The following IQGAP1 variants were observed in gnomAD, a reference collection of about 807,000 sequenced individuals.
IQGAP1 encodes the protein ras GTPase-activating-like protein IQGAP1.
A neutral mutation model predicts 215.6 loss-of-function variants in IQGAP1; 66 were observed. The observed-to-expected ratio is 0.31, with a 90% CI of 0.25 to 0.38. IQGAP1 has a LOEUF of 0.38. Among genes scored for constraint, IQGAP1 ranks in the 10% least tolerant of loss-of-function variants. The pLI is 1.00. For missense variants in IQGAP1, 1,712 were observed against 1,997.1 expected (o/e 0.86, Z 2.72); for synonymous variants, 772 against 728.7 (o/e 1.06, Z -0.96).
At chr15:90,469,273 A>G (rs1407467331) in intron 18 of IQGAP1, among the ~76,000 whole-genome samples, 9 of 152,230 alleles carry the variant, frequency 5.9e-5, no homozygotes, top group Non-Finnish European at 8.8e-5. Context: ...GAGAAAAACG[A>G]CAGTAAAAGA....
chr15:90,405,401 T>C (rs1466773224), intron 2 of IQGAP1, among the ~76,000 whole-genome samples: 1 of 152,208 alleles, frequency 6.6e-6, no homozygotes, highest in Non-Finnish European at 1.5e-5. Flanking sequence ...AAAACAGGTT[T>C]TGAATTAACA....
chr15:90,424,369 A>G (rs1013935832), intron 2 of IQGAP1, among the ~76,000 whole-genome samples: 1 of 152,094 alleles, frequency 6.6e-6, no homozygotes, highest in African/African-American at 2.4e-5. Flanking sequence ...CATTTGTTTC[A>G]TTTTTCCCCT....
intron 2 of IQGAP1, among the ~76,000 whole-genome samples, chr15:90,397,113 C>G (rs973460040): frequency 3.3e-5 from 5 of 152,034 alleles, no homozygotes; most frequent in African/African-American, 1.2e-4. Flanking sequence ...TCGGCCCCCG[C>G]AAAGTGCTGG....
chr15:90,438,667 T>G (rs192387979), intron 5 of IQGAP1, among the ~76,000 whole-genome samples: 1 of 152,306 alleles, frequency 6.6e-6, no homozygotes, highest in Admixed American at 6.5e-5. Flanking sequence ...TAAAACTTAT[T>G]GATTACAGGA....
chr15:90,464,676 C>A (rs1469949517), intron 15 of IQGAP1, among the ~76,000 whole-genome samples: 3 of 151,960 alleles, frequency 2.0e-5, no homozygotes, highest in Non-Finnish European at 4.4e-5. Flanking sequence ...TGGTGAAACC[C>A]CGTCTCTACT....
rs1469563646 is a variant in IQGAP1, at chr15:90,483,582, C to A, written c.3777C>A (p.Tyr1259Ter). 1 of 1,608,316 alleles carries A rather than the reference C, an allele frequency of 6.2e-7. No homozygotes were observed. Residue 1259 changes from tyrosine to a stop codon, truncating the protein, a stop_gained, in exon 29 of 38, where the codon TAC (tyrosine) becomes TAA (stop). Coordinates refer to ENST00000268182, the MANE Select transcript of IQGAP1 (RefSeq NM_003870.4). LOFTEE classifies it high-confidence loss of function. ...SIINEYLSQS[Y>*]QKFRRFFQTA... ...TTAATGAATATCTTTCCCAGTCCTA[C>A]CAGAAATTCAGGTAAGGGGAAAGGC...
chr15:90,448,678 A>G lies in IQGAP1; in HGVS notation c.1019A>G (p.Gln340Arg), dbSNP rs1439536345. 2.5e-6 allele frequency: 4 copies of G among 1,611,700 alleles called. No individual in the cohort carries two copies. The East Asian group carries it at 6.7e-5, about 27-fold the overall frequency. Residue 340 changes from glutamine to arginine, a missense_variant, in exon 10 of 38, where the codon CAA becomes CGA. Transcript: ENST00000268182. ...SPALGLRGLQ[Q>R]QNSDWYLKQL... is the part of the protein sequence containing the mutation. The stretch of plus-strand genomic sequence containing the variant: ...GCCCTGGGGCTTCGAGGACTGCAGC[A>G]ACAGAATAGCGACTGGTACTTGAAG...
chr15:90,433,871 G>A, intron 5 of IQGAP1, 76 bp downstream of exon 5: 3 of 848,954 alleles, frequency 3.5e-6, no homozygotes, highest in Non-Finnish European at 5.5e-6. Flanking sequence ...TTATCCTTGA[G>A]GTAAGAATGA....
intron 3 of IQGAP1, among the ~76,000 whole-genome samples, chr15:90,426,914 C>A (rs1414865681): frequency 6.7e-6 from 1 of 148,288 alleles, no homozygotes; most frequent in Non-Finnish European, 1.5e-5. Flanking sequence ...GATCATGACA[C>A]TGCACTCCAG....
intron 17 of IQGAP1, 53 bp downstream of exon 17, chr15:90,466,489 AGGGG>A: frequency 2.3e-3 from 3,471 of 1,534,426 alleles, no homozygotes; most frequent in Non-Finnish European, 2.8e-3. Flanking sequence ...TGAGTATATG[AGGGG>A]ACAGATGTAG....
intron 15 of IQGAP1, among the ~76,000 whole-genome samples, chr15:90,461,067 G>T (rs1439159459): frequency 1.3e-5 from 2 of 151,236 alleles, no homozygotes; most frequent in Admixed American, 1.3e-4. Context: ...AGCACTTTGG[G>T]AGTCCCAGGT....
Position 90,491,514 on chromosome 15 carries a change from A to G in IQGAP1, c.4430A>G (p.Lys1477Arg). 1 of 1,614,176 alleles carries G rather than the reference A, an allele frequency of 6.2e-7. No homozygotes were observed. The highest frequency in any genetic ancestry group is 8.5e-7 in the Non-Finnish European group (1 of 1,179,994). ...CTTGGAACCGTGGACCCAAAGAACA[A>G]ATACCAGGAACTGATCAACGACATT... ...TELGTVDPKN[K>R]YQELINDIAR... The change falls in exon 34 of 38, where the codon AAA becomes AGA. Residue 1477 changes from lysine (K) to arginine (R), a missense_variant. This residue lies in a region of IQGAP1 where 691 missense variants were observed against 923.0 expected (regional missense o/e 0.75). Coordinates refer to ENST00000268182, the MANE Select transcript of IQGAP1 (RefSeq NM_003870.4).
intron 36 of IQGAP1, among the ~76,000 whole-genome samples, chr15:90,495,621 TA>T (rs1418298385): frequency 1.3e-5 from 2 of 149,142 alleles, no homozygotes; most frequent in Admixed American, 1.3e-4. Context: ...CATATATATA[TA>T]TTTTTTTCTT....
At chr15:90,485,055 C>T (rs1302055009) in intron 30 of IQGAP1, among the ~76,000 whole-genome samples, 1 of 152,190 alleles carries the variant, frequency 6.6e-6, no homozygotes, top group Non-Finnish European at 1.5e-5. Flanking sequence ...CTAGCTTTCT[C>T]TGTGTAGCCT....
At chr15:90,425,282 G>C (rs1993162) in intron 2 of IQGAP1, among the ~76,000 whole-genome samples, 87,271 of 151,852 alleles carry the variant, frequency 0.57, 26,876 homozygotes, top group East Asian at 0.83. Flanking sequence ...TGCACTCCAG[G>C]CTGGGCAATA....
At chr15:90,390,355 T>A (rs1156733342) in intron 1 of IQGAP1, among the ~76,000 whole-genome samples, 1 of 152,188 alleles carries the variant, frequency 6.6e-6, no homozygotes, top group Non-Finnish European at 1.5e-5. Context: ...GTTGTGGGGT[T>A]TCAATGAGAG....
At chr15:90,487,688 G>T in intron 33 of IQGAP1, 106 bp downstream of exon 33, 1 of 750,690 alleles carries the variant, frequency 1.3e-6, no homozygotes. Flanking sequence ...GGTAGCCTAG[G>T]GGTGAGCATG....
rs1346633319 is a variant in IQGAP1, at chr15:90,501,969, T to TTGA, written c.*1872_*1874dup. The stretch of plus-strand genomic sequence containing the variant: ...TAGTGTAAAATGCGCTTCAAGAATG[T>TTGA]TGATGATGATGATATAGAATTGTGG... On this transcript the variant is annotated 3_prime_UTR_variant, in exon 38 of 38. Coordinates refer to ENST00000268182, the MANE Select transcript of IQGAP1 (RefSeq NM_003870.4). The TTGA allele has an allele frequency of 1.3e-5, 2 of 152,480 alleles. No homozygotes were observed. The highest frequency in any genetic ancestry group is 1.3e-4 in the Admixed American group (2 of 15,262). The allele number at this position is 152,480 out of a possible 1,614,324, so 9.4% of individuals were successfully genotyped here.
chr15:90,433,605 T>G (rs909059018), intron 4 of IQGAP1, 114 bp from the exon 5 acceptor site: 13 of 613,826 alleles, frequency 2.1e-5, no homozygotes, highest in Non-Finnish European at 3.8e-5. Context: ...TTTCTAAGAA[T>G]GCCACCGATG....
Sources: allele counts gnomAD v4.1 joint callset (sites outside exome capture counted in the v4.1 genomes callset), GRCh38; gene constraint gnomAD v4.1.1; regional missense constraint gnomAD v4.1.1; transcripts MANE v1.5; gene names NCBI Gene and HGNC (gene_info 2026-07-23, HGNC 2026-07-21).